Variants in ADAMTSL1 observed in about 807,000 individuals in gnomAD.
ADAMTSL1 encodes the protein ADAMTS like 1.
A neutral mutation model predicts 201.8 loss-of-function variants in ADAMTSL1; 126 were observed. That is an observed-to-expected ratio of 0.62 (90% confidence interval 0.54 to 0.72). The LOEUF (loss-of-function observed/expected upper bound fraction) is 0.72. ADAMTSL1 is among the 30% of genes least tolerant of loss of function. The probability of loss-of-function intolerance (pLI) is 0.00; values close to 1 mark genes in which losing one functional copy is unlikely to be tolerated. For missense variants in ADAMTSL1, 2,679 were observed against 2,277.8 expected, an observed-to-expected ratio of 1.18 and a Z score of -3.59; for synonymous variants, 1,121 against 903.4, an observed-to-expected ratio of 1.24 and a Z score of -4.32.
At chr9:18,218,419 C>T (rs72684921) in intron 2 of ADAMTSL1, among the ~76,000 whole-genome samples, 4,972 of 152,150 alleles carry the variant, frequency 0.033, 120 homozygotes, top group Non-Finnish European at 0.053. Flanking sequence ...TGACTGCTTG[C>T]TAGTTTTTGT....
chr9:17,998,264 C>T (rs1819464296), intron 1 of ADAMTSL1, among the ~76,000 whole-genome samples: 2 of 151,940 alleles, frequency 1.3e-5, no homozygotes, highest in African/African-American at 4.8e-5. Flanking sequence ...CCAATGTCTC[C>T]AGAAGGCAAG....
At chr9:18,899,174 T>C (rs1829848553) in intron 26 of ADAMTSL1, among the ~76,000 whole-genome samples, 1 of 152,022 alleles carries the variant, frequency 6.6e-6, no homozygotes, top group African/African-American at 2.4e-5. Flanking sequence ...GAGAGCCAAA[T>C]CATGAATGAA....
In ADAMTSL1 at chr9:18,111,683, G is replaced by C. The variant is rs139975224; in HGVS notation, c.88-52179G>C. Reference sequence around the variant, plus strand: ...AACTTACATCTTTTCTCAACAGACAGTTTTGTACATTCAGGTGCTCATGTA... The same window carrying C: ...AACTTACATCTTTTCTCAACAGACACTTTTGTACATTCAGGTGCTCATGTA... On this transcript the variant is annotated intron_variant, in intron 1 of 29. Transcript: ENST00000680146. 2.7e-3 allele frequency among the ~76,000 whole-genome samples: 406 copies of C among 152,238 alleles called. 3 individuals are homozygous for C. Among genetic ancestry groups the C allele is most frequent in the African/African-American group, 9.0e-3 (376 of 41,556 alleles).
chr9:18,714,082 T>G (rs1163303003), intron 14 of ADAMTSL1, among the ~76,000 whole-genome samples: 6 of 152,130 alleles, frequency 3.9e-5, no homozygotes, highest in Non-Finnish European at 5.9e-5. Flanking sequence ...CCAGAATCTC[T>G]GGGACACATT....
chr9:18,841,835 G>C (rs1260606441), intron 23 of ADAMTSL1, among the ~76,000 whole-genome samples: 6 of 152,152 alleles, frequency 3.9e-5, no homozygotes, highest in African/African-American at 1.2e-4. Context: ...AGAGGTGTTT[G>C]TAGTACTCTC....
intron 15 of ADAMTSL1, chr9:18,723,146 C>T: frequency 1.4e-6 from 1 of 733,350 alleles, no homozygotes; most frequent in South Asian, 1.5e-5. Context: ...TTTATGTTTC[C>T]ACATCTGCAA....
At chr9:18,458,753 T>G (rs1820701081) in intron 2 of ADAMTSL1, among the ~76,000 whole-genome samples, 1 of 152,182 alleles carries the variant, frequency 6.6e-6, no homozygotes, top group African/African-American at 2.4e-5. Context: ...AAGGCACTGC[T>G]TCCCCATGGG....
intron 1 of ADAMTSL1, among the ~76,000 whole-genome samples, chr9:17,950,532 A>G (rs1182625042): frequency 6.6e-6 from 1 of 151,104 alleles, no homozygotes; most frequent in African/African-American, 2.4e-5. Context: ...TTAAATATTT[A>G]AATTTTATAT....
intron 20 of ADAMTSL1, among the ~76,000 whole-genome samples, chr9:18,800,417 A>T (rs1822720748): frequency 6.7e-6 from 1 of 148,550 alleles, no homozygotes. Flanking sequence ...AAAAATGGAC[A>T]GGTTTGACTG....
chr9:17,954,923 G>T (rs1827873042), intron 1 of ADAMTSL1, among the ~76,000 whole-genome samples: 1 of 152,012 alleles, frequency 6.6e-6, no homozygotes, highest in Non-Finnish European at 1.5e-5. Context: ...AAGGTGAAAA[G>T]GTACTGGGCT....
chr9:18,777,140 C>T lies in ADAMTSL1; in HGVS notation c.2911C>T (p.Pro971Ser), dbSNP rs769669024. The change falls in exon 19 of 29, where the codon CCC becomes TCC. Residue 971 changes from proline to serine, a missense_variant. Pro to Ser is a moderately conservative substitution (Grantham distance 74). Transcript: ENST00000380548. ...IGGNRKLVAR[P>S]LSPRSEEEVL... ...AGGCAACCGCAAGCTCGTGGCCCGG[C>T]CCTTGAGCCCGAGAAGTGAGGAAGA... 188 of 1,612,910 alleles carry T rather than the reference C, an allele frequency of 1.2e-4. No individual in the cohort carries two copies. Among genetic ancestry groups the T allele is most frequent in the Non-Finnish European group, 1.5e-4 (175 of 1,179,848 alleles).
chr9:18,427,326 T>C (rs1379871552), intron 2 of ADAMTSL1, among the ~76,000 whole-genome samples: 1 of 152,212 alleles, frequency 6.6e-6, no homozygotes, highest in Non-Finnish European at 1.5e-5. Context: ...GTGGATGCTT[T>C]CCATGGCTTA....
chr9:18,846,337 C>G (rs1826107129), intron 23 of ADAMTSL1, among the ~76,000 whole-genome samples: 1 of 152,122 alleles, frequency 6.6e-6, no homozygotes, highest in Non-Finnish European at 1.5e-5. Flanking sequence ...CTTTGAGAAA[C>G]CAATGTTTGA....
chr9:18,602,153 C>G (rs1310472094), intron 4 of ADAMTSL1, among the ~76,000 whole-genome samples: 1 of 152,172 alleles, frequency 6.6e-6, no homozygotes, highest in Non-Finnish European at 1.5e-5. Context: ...GTAGTCATAT[C>G]TTGAGTCATT....
intron 7 of ADAMTSL1, among the ~76,000 whole-genome samples, chr9:18,656,650 A>T (rs79461976): frequency 4.0e-5 from 6 of 148,484 alleles, no homozygotes; most frequent in South Asian, 2.1e-4. Context: ...AAAAAAGAAA[A>T]TGTTAAGACT....
At chr9:18,095,754 C>T (rs1587035741) in intron 1 of ADAMTSL1, among the ~76,000 whole-genome samples, 1 of 152,074 alleles carries the variant, frequency 6.6e-6, no homozygotes, top group Non-Finnish European at 1.5e-5. Context: ...GCTGGGCTGA[C>T]AACGTATTTC....
upstream of ADAMTSL1, among the ~76,000 whole-genome samples, chr9:18,470,667 C>T (rs962005197): frequency 2.0e-5 from 3 of 152,184 alleles, no homozygotes; most frequent in African/African-American, 7.2e-5. Flanking sequence ...CAGAGCAAGA[C>T]TTGTAACGAA....
chr9:18,756,535 C>T (rs990180983), intron 16 of ADAMTSL1, among the ~76,000 whole-genome samples: 5 of 152,092 alleles, frequency 3.3e-5, no homozygotes, highest in Non-Finnish European at 5.9e-5. Flanking sequence ...AGCTTAGTTA[C>T]GACACCAGCT....
At chr9:18,533,401 A>G in intron 3 of ADAMTSL1, 109 bp downstream of exon 3, 11 of 818,474 alleles carry the variant, frequency 1.3e-5, no homozygotes, top group Non-Finnish European at 2.1e-5. Context: ...TTTCACTGAG[A>G]GTTTTTATCT....
Sources: allele counts gnomAD v4.1 joint callset (sites outside exome capture counted in the v4.1 genomes callset), GRCh38; gene constraint gnomAD v4.1.1; transcripts MANE v1.5; gene names NCBI Gene and HGNC (gene_info 2026-07-23, HGNC 2026-07-21).